Variants in SUCLG2 observed in about 807,000 individuals in gnomAD.
SUCLG2 encodes succinate-CoA ligase GDP-forming subunit beta, also known as succinate--CoA ligase [GDP-forming] subunit beta, mitochondrial.
Under a neutral mutation model 47.9 loss-of-function variants are expected in SUCLG2, and 42 were observed. The ratio of observed to expected loss-of-function variants is 0.88; its 90% CI spans 0.69 to 1.14. The LOEUF is 1.14. SUCLG2 is among the 50% of genes most tolerant of loss of function. The pLI is 0.00. For missense variants in SUCLG2, 571 were observed against 525.9 expected, an observed-to-expected ratio of 1.09 and a Z score of -0.84; for synonymous variants, 195 against 197.3, an observed-to-expected ratio of 0.99 and a Z score of 0.10.
At chr3:67,440,327 A>C (rs895006594) in intron 9 of SUCLG2, among the ~76,000 whole-genome samples, 2 of 152,204 alleles carry the variant, frequency 1.3e-5, no homozygotes, top group African/African-American at 4.8e-5. Context: ...ACGGGCAAAG[A>C]CTTCCTGACT....
chr3:67,652,723 C>T (rs972127358), intron 1 of SUCLG2, among the ~76,000 whole-genome samples: 2 of 152,052 alleles, frequency 1.3e-5, no homozygotes, highest in Non-Finnish European at 2.9e-5. Flanking sequence ...CATGGTGTAA[C>T]GGAAACGTAA....
intron 2 of SUCLG2, among the ~76,000 whole-genome samples, chr3:67,535,181 CCT>C (rs1392635466): frequency 1.3e-5 from 2 of 151,318 alleles, no homozygotes; most frequent in South Asian, 2.1e-4. Flanking sequence ...CATGTCTCCC[CCT>C]GATTTTCAAA....
At chr3:67,454,937 G>T (rs1318179499) in intron 9 of SUCLG2, among the ~76,000 whole-genome samples, 3 of 144,212 alleles carry the variant, frequency 2.1e-5, no homozygotes, top group Non-Finnish European at 4.5e-5. Context: ...ACTCCAGCCT[G>T]GGCGACAGAG....
At chr3:67,626,057 T>C (rs1203830777) in intron 1 of SUCLG2, among the ~76,000 whole-genome samples, 1 of 151,544 alleles carries the variant, frequency 6.6e-6, no homozygotes, top group African/African-American at 2.4e-5. Flanking sequence ...TCTCGCTCTG[T>C]CGCCCAGGCT....
At chr3:67,495,281 T>C (rs1559547023) in intron 9 of SUCLG2, among the ~76,000 whole-genome samples, 1 of 152,180 alleles carries the variant, frequency 6.6e-6, no homozygotes, top group African/African-American at 2.4e-5. Context: ...CTCAGGACTG[T>C]ACACACAACC....
intron 7 of SUCLG2, among the ~76,000 whole-genome samples, chr3:67,506,245 G>A (rs1231657590): frequency 1.3e-5 from 2 of 152,154 alleles, no homozygotes; most frequent in Non-Finnish European, 2.9e-5. Context: ...TGATAATGAT[G>A]AAGATCAATT....
chr3:67,556,242 C>G (rs1229314733), intron 2 of SUCLG2, among the ~76,000 whole-genome samples: 1 of 152,192 alleles, frequency 6.6e-6, no homozygotes, highest in African/African-American at 2.4e-5. Context: ...ACTGGGATAG[C>G]TGGTGACCTT....
chr3:67,430,500 A>G (rs1039852904), intron 9 of SUCLG2, among the ~76,000 whole-genome samples: 1 of 152,174 alleles, frequency 6.6e-6, no homozygotes, highest in Non-Finnish European at 1.5e-5. Context: ...AGAAAGCAGG[A>G]AAGATCCAAA....
In SUCLG2 at chr3:67,528,158, G is replaced by A; in HGVS notation, c.391C>T (p.Pro131Ser). Residue 131 changes from proline (P) to serine (S), a missense_variant, in exon 4 of 11, where the codon CCA (proline) becomes TCA (serine). Physicochemically the swap from Pro to Ser is moderately conservative, Grantham distance 74 (BLOSUM62 -1). Coordinates refer to ENST00000307227, the MANE Select transcript of SUCLG2 (RefSeq NM_003848.4). ...IGYNLATKQT[P>S]KEGVKVNKVM... ...TTGTTAACTTTCACACCTTCTTTTG[G>A]AGTTTGTTTTGTCGCTAGATTGTAC... is the stretch of plus-strand genomic sequence containing the variant. The A allele has an allele frequency of 6.2e-7, 1 of 1,613,804 alleles. No homozygotes were observed.
intron 6 of SUCLG2, among the ~76,000 whole-genome samples, chr3:67,511,852 G>C (rs1364364762): frequency 6.9e-6 from 1 of 144,478 alleles, no homozygotes; most frequent in Non-Finnish European, 1.5e-5. Context: ...CGTGTGTGGG[G>C]GGGTGTGTGT....
intron 9 of SUCLG2, chr3:67,408,631 T>C: frequency 1.1e-5 from 11 of 1,037,180 alleles, no homozygotes; most frequent in Non-Finnish European, 1.3e-5. Flanking sequence ...GACTCCAATC[T>C]GTCCTTATTC....
rs1043582600 is a variant in SUCLG2 at position 67,440,532 on chromosome 3, G to GA, written c.1063-39682dup. Among the ~76,000 whole-genome samples, 8 of 151,778 alleles carry GA rather than the reference G, an allele frequency of 5.3e-5. No homozygotes were observed. The South Asian group carries it at 1.0e-3, about 20-fold the overall frequency. ...ATCTACAAAGAACTTAAATTTACAG[G>GA]AAAAAAACAAACAACCCCATCAAAA... is the stretch of plus-strand genomic sequence containing the variant. On this transcript the variant is annotated intron_variant, in intron 9 of 10. Transcript: ENST00000307227.
intron 1 of SUCLG2, among the ~76,000 whole-genome samples, chr3:67,631,492 G>A (rs1700925192): frequency 6.6e-6 from 1 of 152,084 alleles, no homozygotes; most frequent in Non-Finnish European, 1.5e-5. Flanking sequence ...GCCGGGCGTG[G>A]TGGATACGCC....
chr3:67,444,687 T>A (rs1309156855), intron 9 of SUCLG2, among the ~76,000 whole-genome samples: 1 of 7,302 alleles, frequency 1.4e-4, no homozygotes, highest in Non-Finnish European at 2.3e-4. Context: ...GGGAGGGAGG[T>A]GGGGGGGGTC....
chr3:67,448,620 G>A (rs992179478), intron 9 of SUCLG2, among the ~76,000 whole-genome samples: 5 of 152,090 alleles, frequency 3.3e-5, no homozygotes, highest in Non-Finnish European at 7.3e-5. Flanking sequence ...CCCGACCTCA[G>A]GAGTACCTGA....
rs1219384675 is a variant in SUCLG2 at position 67,498,125 on chromosome 3, G to A, written c.919+9C>T. ...CACAAAGCATTCTTTTGATATAACT[G>A]CTTCTTACCAAAGCAGGCAATGTTC... On this transcript the variant is annotated intron_variant, in intron 8 of 10. Transcript: ENST00000307227. The A allele has an allele frequency of 5.6e-6, 9 of 1,600,572 alleles. No individual in the cohort carries two copies. Among genetic ancestry groups the A allele is most frequent in the Non-Finnish European group, 7.7e-6 (9 of 1,172,384 alleles).
exon 11 of SUCLG2, chr3:67,360,625 A>C: frequency 6.7e-7 from 1 of 1,503,326 alleles, no homozygotes; most frequent in Non-Finnish European, 8.8e-7. Flanking sequence ...AGCAAAGTAA[A>C]TCTTTAACAT....
intron 6 of SUCLG2, among the ~76,000 whole-genome samples, chr3:67,511,943 T>C (rs1223015743): frequency 6.6e-6 from 1 of 150,914 alleles, no homozygotes; most frequent in Non-Finnish European, 1.5e-5. Flanking sequence ...CTTGAACTCC[T>C]GGGCTCAGAT....
At chr3:67,360,491 G>T in exon 11 of SUCLG2, 3 of 830,370 alleles carry the variant, frequency 3.6e-6, no homozygotes, top group South Asian at 2.6e-5. Flanking sequence ...TTTGGTGAAT[G>T]AACAGCTATA....
Sources: allele counts gnomAD v4.1 joint callset (sites outside exome capture counted in the v4.1 genomes callset), GRCh38; gene constraint gnomAD v4.1.1; transcripts MANE v1.5; gene names NCBI Gene and HGNC (gene_info 2026-07-23, HGNC 2026-07-21).